AFG3L2: variants seen among roughly 807,000 people sequenced by gnomAD.
The protein encoded by AFG3L2 is AFG3 like matrix AAA peptidase subunit 2, also known as mitochondrial inner membrane m-AAA protease component AFG3L2.
AFG3L2 carries 54 observed loss-of-function variants against 94.5 expected under a neutral mutation model. The ratio of observed to expected loss-of-function variants is 0.57; its 90% CI spans 0.46 to 0.72. AFG3L2 has a LOEUF of 0.72. AFG3L2 is among the 30% of genes least tolerant of loss of function. The pLI is 0.00. For missense variants in AFG3L2, 754 were observed against 994.9 expected, an observed-to-expected ratio of 0.76 and a Z score of 3.26; for synonymous variants, 377 against 365.5, an observed-to-expected ratio of 1.03 and a Z score of -0.36.
At chr18:12,351,496 G>A in intron 10 of AFG3L2, 83 bp from the exon 11 acceptor site, 1 of 1,146,830 alleles carries the variant, frequency 8.7e-7, no homozygotes, top group Non-Finnish European at 1.3e-6. Flanking sequence ...TATGAGCACT[G>A]CAAATTCATA....
chr18:12,332,815 TTTAA>T (rs1312702562), intron 16 of AFG3L2, among the ~76,000 whole-genome samples: 1 of 109,626 alleles, frequency 9.1e-6, no homozygotes, highest in Non-Finnish European at 1.9e-5. Context: ...TTAGGCCATT[TTTAA>T]TTCTCAATTT....
At chr18:12,361,251 G>A (rs1908651179) in intron 6 of AFG3L2, among the ~76,000 whole-genome samples, 1 of 151,780 alleles carries the variant, frequency 6.6e-6, no homozygotes, top group South Asian at 2.1e-4. Context: ...CCACCTATAG[G>A]CCCAGCTACT....
chr18:12,338,965 T>C (rs576314418), intron 15 of AFG3L2, among the ~76,000 whole-genome samples: 57 of 151,928 alleles, frequency 3.8e-4, no homozygotes, highest in African/African-American at 1.3e-3. Flanking sequence ...TAAAAAAAGG[T>C]TTCTCGGGGC....
Position 12,367,375 on chromosome 18 carries a change from C to T in AFG3L2, c.300G>A (p.Lys100=). 1.2e-6 allele frequency: 2 copies of T among 1,614,136 alleles called. No homozygotes were observed. Among genetic ancestry groups the T allele is most frequent in the Non-Finnish European group, 1.7e-6 (2 of 1,180,042 alleles). The stretch of plus-strand genomic sequence containing the variant: ...CAGAAGAGCGTGTGGTAGCAGCTGG[C>T]TTTGATTCTGTTCATAAACAAAGAG... ...KEVMGEKKES[K]PAATTRSSGG... is the part of the protein sequence containing the mutation. Residue 100 remains lysine (K), a synonymous_variant, in exon 4 of 17, where the codon AAG becomes AAA. Transcript: ENST00000269143.
Position 12,328,974 on chromosome 18 carries a change from T to C in AFG3L2, c.*591A>G. 3.5e-6 allele frequency: 2 copies of C among 576,122 alleles called. No individual in the cohort carries two copies. The highest frequency in any genetic ancestry group is 4.7e-5 in the South Asian group (2 of 42,866). The allele number at this position is 576,122 out of a possible 1,614,324, so 35.7% of individuals were successfully genotyped here. On this transcript the variant is annotated 3_prime_UTR_variant, in exon 17 of 17. Transcript: ENST00000269143. ...TCAGAAAAGTACAGTGTTGACATTTTATTTTTTATGTAAAGAAGCCATATT... is the reference window on the plus strand; with the variant it reads ...TCAGAAAAGTACAGTGTTGACATTTCATTTTTTATGTAAAGAAGCCATATT...
intron 16 of AFG3L2, among the ~76,000 whole-genome samples, chr18:12,333,365 T>TA (rs1362521412): frequency 1.2e-4 from 16 of 130,388 alleles, no homozygotes; most frequent in Non-Finnish European, 1.9e-4. Flanking sequence ...TATATATATA[T>TA]TTTTTCCCCC....
intron 9 of AFG3L2, among the ~76,000 whole-genome samples, chr18:12,354,330 C>G (rs1021397290): frequency 2.0e-5 from 3 of 152,132 alleles, no homozygotes; most frequent in Non-Finnish European, 1.5e-5. Flanking sequence ...TGAACAGGAA[C>G]TCAGCCATTC....
chr18:12,346,604 T>C (rs945386253), intron 13 of AFG3L2, among the ~76,000 whole-genome samples: 6 of 152,082 alleles, frequency 3.9e-5, no homozygotes, highest in African/African-American at 1.4e-4. Context: ...TTCATTCTCC[T>C]AAAATACCAT....
chr18:12,362,827 T>G, intron 6 of AFG3L2, among the ~76,000 whole-genome samples: 1 of 152,178 alleles, frequency 6.6e-6, no homozygotes, highest in East Asian at 1.9e-4. Flanking sequence ...ACTTTCTCCC[T>G]AGGCTTCCCT....
chr18:12,356,911 A>AT (rs1908514655), intron 8 of AFG3L2, 80 bp from the exon 9 acceptor site: 2 of 1,396,918 alleles, frequency 1.4e-6, no homozygotes. Context: ...ATTACAAGAT[A>AT]TAACTCTGTC....
intron 9 of AFG3L2, among the ~76,000 whole-genome samples, chr18:12,355,386 G>T (rs1242527999): frequency 6.6e-6 from 1 of 151,972 alleles, no homozygotes; most frequent in Admixed American, 6.6e-5. Flanking sequence ...TCAAAACCAC[G>T]AGATACTACA....
chr18:12,370,698 A>G, intron 3 of AFG3L2, 151 bp downstream of exon 3: 4 of 587,212 alleles, frequency 6.8e-6, no homozygotes, highest in Non-Finnish European at 1.2e-5. Flanking sequence ...GGCTCAAGTG[A>G]TCCACCCGCC....
chr18:12,376,731 G>C (rs1909169169), intron 1 of AFG3L2, among the ~76,000 whole-genome samples: 1 of 152,210 alleles, frequency 6.6e-6, no homozygotes, highest in South Asian at 2.1e-4. Context: ...GGTGAAGCGC[G>C]AAAACCCGGC....
At chr18:12,358,598 T>C in intron 8 of AFG3L2, 72 bp downstream of exon 8, 1 of 1,528,188 alleles carries the variant, frequency 6.5e-7, no homozygotes. Context: ...TAATAAGTAA[T>C]CAAACTTCAC....
chr18:12,377,216 GC>G lies in AFG3L2; in HGVS notation c.-135del, dbSNP rs1909195427. ...AAGCGCGCCGGCGGCTCACGGAGGA[GC>G]CCAAGCTCTCAACGCGGCGTCTCCT... On this transcript the variant is annotated 5_prime_UTR_variant, in exon 1 of 17. Transcript: ENST00000269143. 1.4e-6 allele frequency: 1 copy of G among 700,434 alleles called. No homozygotes were observed. The highest frequency in any genetic ancestry group is 1.9e-5 in the African/African-American group (1 of 52,082). 43.4% of individuals were successfully genotyped at this position (700,434 alleles called of 1,614,324 possible).
intron 16 of AFG3L2, among the ~76,000 whole-genome samples, chr18:12,333,597 T>A (rs558593134): frequency 1.3e-5 from 2 of 152,000 alleles, no homozygotes; most frequent in East Asian, 3.9e-4. Context: ...ATTCCTGGGC[T>A]CAAGTGATCC....
intron 16 of AFG3L2, among the ~76,000 whole-genome samples, chr18:12,333,377 G>A (rs1907647202): frequency 7.3e-6 from 1 of 137,088 alleles, no homozygotes. Context: ...TTTTCCCCCT[G>A]AAACAGGGTC....
At chr18:12,371,571 C>T (rs761370794) in intron 2 of AFG3L2, 21 bp downstream of exon 2, 4 of 1,602,646 alleles carry the variant, frequency 2.5e-6, no homozygotes, top group East Asian at 4.5e-5. Context: ...TAGAACACTA[C>T]AGCCACACCT....
At chr18:12,332,500 C>CT (rs920420049) in intron 16 of AFG3L2, among the ~76,000 whole-genome samples, 1 of 151,870 alleles carries the variant, frequency 6.6e-6, no homozygotes, top group African/African-American at 2.4e-5. Flanking sequence ...AAAGTTTTGT[C>CT]TTTTCAGTTT....
Sources: gnomAD v4.1 joint callset for allele counts (sites outside exome capture counted in the v4.1 genomes callset) on GRCh38, gnomAD v4.1.1 for gene constraint, MANE v1.5 for transcripts, NCBI Gene and HGNC (gene_info 2026-07-23, HGNC 2026-07-21) for gene names.